MADD: variants seen among roughly 807,000 people sequenced by gnomAD.
MADD encodes MAP kinase activating death domain, also known as MAP kinase-activating death domain protein.
Under a neutral mutation model 176.7 loss-of-function variants are expected in MADD, and 109 were observed. The observed-to-expected ratio is 0.62, with a 90% CI of 0.53 to 0.72. The LOEUF (loss-of-function observed/expected upper bound fraction) is 0.72, where lower values mean the gene tolerates loss of function less well. MADD is among the 30% of genes least tolerant of loss of function. MADD has a pLI of 0.00. For synonymous variants in MADD, 771 were observed against 771.3 expected (o/e 1.00, Z 0.01); for missense variants, 1,914 against 2,045.5 (o/e 0.94, Z 1.24).
rs1444689478 is a variant in MADD at position 47,325,773 on chromosome 11, C to T, written c.4543-965C>T. Among the ~76,000 whole-genome samples the T allele has an allele frequency of 6.6e-6, 1 of 152,238 alleles. No individual in the cohort carries two copies. The highest frequency in any genetic ancestry group is 1.5e-5 in the Non-Finnish European group (1 of 68,038). On this transcript the variant is annotated intron_variant, in intron 30 of 32. Transcript: ENST00000402192. The surrounding 1 kb of genome is among the most constrained non-coding windows in gnomAD (Gnocchi z 4.5). ...CCTCTGAAGATGAGATCTTGCTGAGCAACGCCCAGGTGCTCTGCCCTGTTC... is the reference window on the plus strand; with the variant it reads ...CCTCTGAAGATGAGATCTTGCTGAGTAACGCCCAGGTGCTCTGCCCTGTTC...
At chr11:47,272,802 C>T (rs1021817162) in intron 1 of MADD, among the ~76,000 whole-genome samples, 1 of 152,140 alleles carries the variant, frequency 6.6e-6, no homozygotes, top group East Asian at 1.9e-4. Flanking sequence ...TAATTCATAG[C>T]CTCTGTAATG....
upstream of MADD, chr11:47,270,039 T>C (rs1403612824): frequency 1.3e-5 from 2 of 151,976 alleles, no homozygotes; most frequent in African/African-American, 4.8e-5. Context: ...CCCGCGGCGC[T>C]CGGCTCGGTG....
chr11:47,284,503 C>T (rs375478508), exon 12 of MADD: 7 of 1,614,018 alleles, frequency 4.3e-6, no homozygotes, highest in East Asian at 2.2e-5. Flanking sequence ...CCCCCCACTG[C>T]GCTCCAGCTC....
chr11:47,320,178 T>A (rs10838691), intron 27 of MADD, among the ~76,000 whole-genome samples: 1 of 151,168 alleles, frequency 6.6e-6, no homozygotes, highest in African/African-American at 2.4e-5. Flanking sequence ...TTACTCATGC[T>A]GGGTGTGGTG....
chr11:47,315,034 A>C (rs1469624294), intron 26 of MADD, among the ~76,000 whole-genome samples, 186 bp from the exon 30 acceptor site: 5 of 152,202 alleles, frequency 3.3e-5, no homozygotes, highest in Admixed American at 2.0e-4. Flanking sequence ...ATCTTCAATA[A>C]ATTTTAAGAG....
chr11:47,290,626 G>A (rs769212336), exon 19 of MADD: 7 of 1,613,544 alleles, frequency 4.3e-6, no homozygotes, highest in Non-Finnish European at 5.9e-6. Context: ...ACAAGCGGAA[G>A]AGAAGTCCAA....
At chr11:47,315,231 T>C (rs747278001) in exon 27 of MADD, 1 of 1,611,962 alleles carries the variant, frequency 6.2e-7, no homozygotes, top group South Asian at 1.1e-5. Flanking sequence ...ATGGACGCGA[T>C]CTCTCTATCT....
At chr11:47,301,280 AT>A (rs1396292728) in intron 22 of MADD, among the ~76,000 whole-genome samples, 1 of 149,960 alleles carries the variant, frequency 6.7e-6, no homozygotes, top group African/African-American at 2.4e-5. Flanking sequence ...AACCGGCTAA[AT>A]TTTTTTTTGT....
At chr11:47,279,298 T>C (rs1009569088) in intron 7 of MADD, among the ~76,000 whole-genome samples, 6 of 152,168 alleles carry the variant, frequency 3.9e-5, no homozygotes, top group Non-Finnish European at 8.8e-5. Context: ...CTTCTAATGC[T>C]TATGATGCTG....
intron 22 of MADD, among the ~76,000 whole-genome samples, chr11:47,306,848 C>A (rs1003567241): frequency 1.3e-5 from 2 of 152,144 alleles, no homozygotes; most frequent in Non-Finnish European, 2.9e-5. Flanking sequence ...TGACATTACT[C>A]CCCTAGGCTG....
At chr11:47,317,804 T>C (rs1190387618) in intron 27 of MADD, among the ~76,000 whole-genome samples, 1 of 151,822 alleles carries the variant, frequency 6.6e-6, no homozygotes, top group Admixed American at 6.6e-5. Context: ...AGAGTCTCTC[T>C]CTATCGCCCA....
At chr11:47,278,033 C>T (rs1017960352) in intron 5 of MADD, 132 bp from the exon 6 acceptor site, 2 of 664,178 alleles carry the variant, frequency 3.0e-6, no homozygotes, top group Non-Finnish European at 5.4e-6. Flanking sequence ...TCTGAATTTT[C>T]AAATACATCT....
At chr11:47,282,962 G>A in exon 10 of MADD, 1 of 1,613,392 alleles carries the variant, frequency 6.2e-7, no homozygotes, top group Non-Finnish European at 8.5e-7. Context: ...CGAACCTACT[G>A]ATGATAGGTG....
intron 27 of MADD, among the ~76,000 whole-genome samples, chr11:47,319,826 A>G (rs2094045985): frequency 6.6e-6 from 1 of 151,912 alleles, no homozygotes; most frequent in South Asian, 2.1e-4. Context: ...CCCTGTTTCT[A>G]CTAAAAATAC....
chr11:47,278,119 T>C (rs1371463512), intron 5 of MADD, 46 bp from the exon 6 acceptor site: 1 of 1,264,924 alleles, frequency 7.9e-7, no homozygotes, highest in Non-Finnish European at 1.2e-6. Context: ...TAAGTGCTCA[T>C]GATAGGTTTT....
In MADD at chr11:47,308,581, T is replaced by C; in HGVS notation, c.3643-10T>C. On this transcript the variant is annotated splice_polypyrimidine_tract_variant and intron_variant, in intron 22 of 32. Coordinates refer to ENST00000402192, the Ensembl canonical transcript of MADD. Reference sequence around the variant, plus strand: ...CCTCTGGCCACTGACCTATCACCTCTTCTCTCTAGGGTAAAGCCCACAGCT... The same window carrying C: ...CCTCTGGCCACTGACCTATCACCTCCTCTCTCTAGGGTAAAGCCCACAGCT... The C allele has an allele frequency of 6.2e-7, 1 of 1,611,686 alleles. No individual in the cohort carries two copies. Among genetic ancestry groups the C allele is most frequent in the Non-Finnish European group, 8.5e-7 (1 of 1,178,098 alleles).
intron 28 of MADD, 44 bp downstream of exon 31, chr11:47,323,879 G>T (rs988507123): frequency 1.3e-6 from 2 of 1,585,820 alleles, no homozygotes; most frequent in Non-Finnish European, 1.7e-6. Flanking sequence ...AGGCATTGAA[G>T]ACCAAATAGT....
At position 47,303,648 on chromosome 11, in the gene MADD, C is replaced by T. The variant is rs193159538; in HGVS notation, c.3643-4943C>T. 2.8e-4 allele frequency among the ~76,000 whole-genome samples: 42 copies of T among 148,912 alleles called. No individual in the cohort carries two copies. The East Asian group carries it at 8.0e-3, about 28-fold the overall frequency. On this transcript the variant is annotated intron_variant, in intron 22 of 32. Coordinates refer to ENST00000402192, the Ensembl canonical transcript of MADD. The stretch of plus-strand genomic sequence containing the variant: ...TTTGAGACAGTCTCACTCTGTCACC[C>T]AGGCTGGAGTGTAGTAGTGTGATCT...
intron 30 of MADD, 174 bp downstream of exon 33, chr11:47,324,751 G>A (rs1263046006): frequency 1.4e-6 from 1 of 706,754 alleles, no homozygotes; most frequent in Non-Finnish European, 2.6e-6. Flanking sequence ...AGTGACGTTG[G>A]CGACCACCTG....
Sources: allele counts gnomAD v4.1 joint callset (sites outside exome capture counted in the v4.1 genomes callset), GRCh38; gene constraint gnomAD v4.1.1; non-coding constraint Gnocchi (gnomAD v3.1); transcripts MANE v1.5; gene names NCBI Gene and HGNC (gene_info 2026-07-23, HGNC 2026-07-21).